CORO1C: variants seen among roughly 807,000 people sequenced by gnomAD.
The protein encoded by CORO1C is coronin 1C.
A neutral mutation model predicts 51.2 loss-of-function variants in CORO1C; 14 were observed. The observed-to-expected ratio is 0.27, with a 90% CI of 0.18 to 0.43. The LOEUF (loss-of-function observed/expected upper bound fraction) is 0.43. Ranked by LOEUF, CORO1C falls within the 20% of genes least tolerant of loss-of-function variation. CORO1C has a pLI of 1.00. For synonymous variants in CORO1C, 181 were observed against 210.5 expected, an observed-to-expected ratio of 0.86 and a Z score of 1.21; for missense variants, 417 against 607.8, an observed-to-expected ratio of 0.69 and a Z score of 3.30.
At chr12:108,700,885 G>A (rs189281616) in intron 2 of CORO1C, 36 of 448,716 alleles carry the variant, frequency 8.0e-5, no homozygotes, top group Non-Finnish European at 1.3e-4. Context: ...TCACAACATC[G>A]TTATAATAAT....
At chr12:108,649,068 C>G in intron 8 of CORO1C, 48 bp from the exon 9 acceptor site, 1 of 1,590,746 alleles carries the variant, frequency 6.3e-7, no homozygotes, top group South Asian at 1.1e-5. Context: ...AAATATGAGG[C>G]TGACTAACAG....
chr12:108,718,995 A>T (rs1022984113), intron 1 of CORO1C, among the ~76,000 whole-genome samples: 2 of 152,228 alleles, frequency 1.3e-5, no homozygotes, highest in African/African-American at 2.4e-5. Context: ...CACTTTCAGA[A>T]GGAAACATTT....
intron 2 of CORO1C, among the ~76,000 whole-genome samples, chr12:108,683,136 G>A (rs960641161): frequency 6.6e-6 from 1 of 152,130 alleles, no homozygotes; most frequent in African/African-American, 2.4e-5. Context: ...TATTAGAAAA[G>A]ATGCCAGGTA....
chr12:108,719,541 C>T (rs777298579), intron 1 of CORO1C, among the ~76,000 whole-genome samples: 3 of 152,138 alleles, frequency 2.0e-5, no homozygotes, highest in South Asian at 2.1e-4. Context: ...TCAAGTCAAA[C>T]GAATTCTCAA....
chr12:108,693,869 G>A (rs117383257), intron 2 of CORO1C, among the ~76,000 whole-genome samples: 4,140 of 151,708 alleles, frequency 0.027, 88 homozygotes, highest in Middle Eastern at 0.086. Flanking sequence ...AATTCAAACC[G>A]AACCTTCTCT....
chr12:108,647,657 A>C, intron 10 of CORO1C, 135 bp from the exon 11 acceptor site: 1 of 619,876 alleles, frequency 1.6e-6, no homozygotes, highest in Middle Eastern at 4.4e-4. Context: ...TGAAAAGAGA[A>C]GTCAAAGCCC....
At chr12:108,656,465 G>A (rs934768312) in intron 6 of CORO1C, among the ~76,000 whole-genome samples, 7 of 151,486 alleles carry the variant, frequency 4.6e-5, no homozygotes, top group Admixed American at 6.6e-5. Flanking sequence ...CACCCCATCC[G>A]GGAGGTGGGG....
intron 10 of CORO1C, 50 bp from the exon 11 acceptor site, chr12:108,647,572 T>C (rs1366446099): frequency 1.5e-6 from 2 of 1,361,348 alleles, no homozygotes; most frequent in South Asian, 2.5e-5. Flanking sequence ...TAAACAAAGT[T>C]CAACACTGTT....
intron 2 of CORO1C, among the ~76,000 whole-genome samples, chr12:108,684,048 T>C (rs1281576857): frequency 2.0e-5 from 3 of 151,992 alleles, no homozygotes; most frequent in Non-Finnish European, 4.4e-5. Flanking sequence ...AAAATGTAAA[T>C]GAACAGACAA....
intron 6 of CORO1C, among the ~76,000 whole-genome samples, chr12:108,656,987 C>A (rs948854448): frequency 1.3e-5 from 2 of 152,148 alleles, no homozygotes; most frequent in Non-Finnish European, 2.9e-5. Context: ...CTTCCCTCCA[C>A]TATTGTCCTA....
chr12:108,694,884 GAACT>G (rs1244942370), intron 2 of CORO1C, among the ~76,000 whole-genome samples: 1 of 152,160 alleles, frequency 6.6e-6, no homozygotes. Flanking sequence ...TGAATTGTGT[GAACT>G]AACATTATGA....
chr12:108,710,217 GCT>G (rs1336071536), intron 1 of CORO1C, among the ~76,000 whole-genome samples: 1 of 152,156 alleles, frequency 6.6e-6, no homozygotes, highest in Non-Finnish European at 1.5e-5. Flanking sequence ...ACTATGAGAT[GCT>G]CTCTCTGGGC....
At chr12:108,709,599 A>C (rs2035124172) in intron 1 of CORO1C, among the ~76,000 whole-genome samples, 1 of 152,364 alleles carries the variant, frequency 6.6e-6, no homozygotes, top group Admixed American at 6.5e-5. Context: ...AAGATGGCAT[A>C]TCACCAAACT....
At chr12:108,730,776 C>T (rs2035704398) in intron 1 of CORO1C, 1 of 154,110 alleles carries the variant, frequency 6.5e-6, no homozygotes. Flanking sequence ...CACATTACTC[C>T]AGCTCCAGCT....
At chr12:108,698,567 C>T (rs1376034138) in intron 2 of CORO1C, among the ~76,000 whole-genome samples, 9 of 152,144 alleles carry the variant, frequency 5.9e-5, no homozygotes, top group Non-Finnish European at 1.2e-4. Flanking sequence ...CCACCATGCC[C>T]GGCTAATTTT....
At chr12:108,686,966 G>A (rs1267878395) in intron 2 of CORO1C, among the ~76,000 whole-genome samples, 12 of 152,184 alleles carry the variant, frequency 7.9e-5, no homozygotes, top group Admixed American at 7.9e-4. Context: ...TAAGGGTGAT[G>A]TCTTATGAGC....
chr12:108,692,782 A>G (rs1413675779), intron 2 of CORO1C, among the ~76,000 whole-genome samples: 3 of 144,448 alleles, frequency 2.1e-5, no homozygotes, highest in Non-Finnish European at 4.5e-5. Flanking sequence ...TTCAGTGTCC[A>G]TTAGACCACA....
intron 2 of CORO1C, among the ~76,000 whole-genome samples, chr12:108,689,282 C>T (rs557957863): frequency 6.6e-6 from 1 of 152,336 alleles, no homozygotes; most frequent in South Asian, 2.1e-4. Flanking sequence ...TAAAGTCGCA[C>T]AACGCTTTAC....
intron 2 of CORO1C, among the ~76,000 whole-genome samples, chr12:108,693,742 C>G (rs2034573546): frequency 6.6e-6 from 1 of 152,190 alleles, no homozygotes. Context: ...TGCCTACCAC[C>G]TACTTCTTTG....
Sources: gnomAD v4.1 joint callset for allele counts (sites outside exome capture counted in the v4.1 genomes callset) on GRCh38, gnomAD v4.1.1 for gene constraint, MANE v1.5 for transcripts, NCBI Gene and HGNC (gene_info 2026-07-23, HGNC 2026-07-21) for gene names.